SKI: variants seen among roughly 807,000 people sequenced by gnomAD.
SKI encodes ski oncogene.
Under a neutral mutation model 59.3 loss-of-function variants are expected in SKI, and 23 were observed. That is an observed-to-expected ratio of 0.39 (90% CI 0.28 to 0.55). The LOEUF (loss-of-function observed/expected upper bound fraction) is 0.55. Ranked by LOEUF, SKI falls within the 20% of genes least tolerant of loss-of-function variation. The probability of loss-of-function intolerance (pLI) is 0.67; values close to 1 mark genes in which losing one functional copy is unlikely to be tolerated. For synonymous variants in SKI, 673 were observed against 488.6 expected (o/e 1.38, Z -4.98); for missense variants, 1,017 against 1,038.9 (o/e 0.98, Z 0.29).
chr1:2,235,384 G>T (rs983334224), intron 1 of SKI, among the ~76,000 whole-genome samples: 1 of 152,210 alleles, frequency 6.6e-6, no homozygotes, highest in African/African-American at 2.4e-5. Context: ...CCCGGGGTCT[G>T]CGGGCTGGAG....
chr1:2,250,912 C>T (rs925826775), intron 1 of SKI, among the ~76,000 whole-genome samples: 6 of 152,236 alleles, frequency 3.9e-5, no homozygotes, highest in Non-Finnish European at 8.8e-5. Context: ...CTATCAGAGG[C>T]GTGGGAGGCA....
intron 1 of SKI, chr1:2,240,695 T>G: frequency 1.0e-6 from 1 of 985,438 alleles, no homozygotes; most frequent in Non-Finnish European, 1.2e-6. Context: ...GTTCGGAGGA[T>G]GGAGGACAGT....
intron 1 of SKI, among the ~76,000 whole-genome samples, chr1:2,282,978 C>T (rs1033065655): frequency 6.6e-6 from 1 of 152,188 alleles, no homozygotes; most frequent in Non-Finnish European, 1.5e-5. Flanking sequence ...GCTTCCCTTG[C>T]CGGTGCTGGG....
At chr1:2,251,957 C>T (rs1035208402) in intron 1 of SKI, among the ~76,000 whole-genome samples, 1 of 152,138 alleles carries the variant, frequency 6.6e-6, no homozygotes, top group Non-Finnish European at 1.5e-5. Context: ...CTGTCATGTC[C>T]GTTGACATTT....
intron 1 of SKI, among the ~76,000 whole-genome samples, chr1:2,231,603 T>C (rs950673234): frequency 6.6e-6 from 1 of 152,210 alleles, no homozygotes; most frequent in Non-Finnish European, 1.5e-5. Flanking sequence ...CTTTCCCTTT[T>C]GAAGTCCCCA....
chr1:2,249,397 G>T (rs1433187130), intron 1 of SKI, among the ~76,000 whole-genome samples: 3 of 152,238 alleles, frequency 2.0e-5, no homozygotes, highest in African/African-American at 4.8e-5. Flanking sequence ...GGAGACAATT[G>T]TCTGCTCAGT....
chr1:2,258,124 A>G (rs772426063), intron 1 of SKI, among the ~76,000 whole-genome samples: 4 of 152,242 alleles, frequency 2.6e-5, no homozygotes, highest in Non-Finnish European at 5.9e-5. Context: ...AAATATGGCA[A>G]TACTGATTAT....
intron 1 of SKI, among the ~76,000 whole-genome samples, chr1:2,300,857 C>T (rs1463035621): frequency 2.0e-5 from 3 of 152,152 alleles, no homozygotes; most frequent in East Asian, 1.9e-4. Flanking sequence ...GGGTCCTCGG[C>T]CACCCCCCAC....
rs532436217 is a variant in SKI, at chr1:2,268,416, G to A, written c.970-34562G>A. On this transcript the variant is annotated intron_variant, in intron 1 of 6. Transcript: ENST00000378536. The surrounding 1 kb of genome is among the most constrained non-coding windows in gnomAD (Gnocchi z 5.0). ...GTGCTTCCTGCAGGCTCTGCGTGGC[G>A]CTGATGGAGGGCCTCTTGTTAAGGG... Among the ~76,000 whole-genome samples the A allele has an allele frequency of 1.1e-3, 165 of 152,266 alleles. 2 individuals carry two copies. Among genetic ancestry groups the A allele is most frequent in the Middle Eastern group, 3.4e-3 (1 of 294 alleles).
chr1:2,300,854 C>T (rs1192360823), intron 1 of SKI, among the ~76,000 whole-genome samples: 1 of 152,158 alleles, frequency 6.6e-6, no homozygotes, highest in Non-Finnish European at 1.5e-5. Flanking sequence ...GCAGGGTCCT[C>T]GGCCACCCCC....
chr1:2,304,516 G>A lies in SKI; in HGVS notation c.1698G>A (p.Val566=). The change falls in exon 5 of 7, where the codon GTG becomes GTA. Residue 566 remains valine, a synonymous_variant. Coordinates refer to ENST00000378536, the MANE Select transcript of SKI (RefSeq NM_003036.4). ...CCAAAGAGAAGTTCCTGCATGAGGT[G>A]GTCAAGATGCGCGTGAAGCAGGAGG... ...KEAKEKFLHE[V]VKMRVKQEEK... 1.9e-6 allele frequency: 3 copies of A among 1,582,622 alleles called. No individual in the cohort carries two copies. Among genetic ancestry groups the A allele is most frequent in the South Asian group, 2.3e-5 (2 of 86,534 alleles).
At chr1:2,288,040 C>G (rs149672889) in intron 1 of SKI, among the ~76,000 whole-genome samples, 226 of 151,822 alleles carry the variant, frequency 1.5e-3, no homozygotes, top group East Asian at 8.2e-3. Flanking sequence ...CCAGGCTGGA[C>G]TGCAATGGCA....
chr1:2,238,963 G>T (rs1420501882), intron 1 of SKI, among the ~76,000 whole-genome samples: 4 of 152,206 alleles, frequency 2.6e-5, no homozygotes, highest in Admixed American at 1.3e-4. Context: ...CCTGGAGGGG[G>T]GTGGGGACCC....
intron 1 of SKI, among the ~76,000 whole-genome samples, chr1:2,255,483 G>A (rs1436785082): frequency 1.3e-5 from 2 of 150,300 alleles, no homozygotes; most frequent in Non-Finnish European, 3.0e-5. Flanking sequence ...GGAACACACT[G>A]TGTCCTGACC....
At chr1:2,292,155 T>G (rs1277708284) in intron 1 of SKI, among the ~76,000 whole-genome samples, 2 of 152,194 alleles carry the variant, frequency 1.3e-5, no homozygotes, top group Non-Finnish European at 2.9e-5. Context: ...AGGGTTTGTC[T>G]CTAGAGTGCC....
chr1:2,276,172 C>G (rs750385061), intron 1 of SKI, among the ~76,000 whole-genome samples: 4 of 152,192 alleles, frequency 2.6e-5, no homozygotes, highest in Admixed American at 1.3e-4. Context: ...CACGCAGCCA[C>G]ATTTCCCAAA....
intron 1 of SKI, among the ~76,000 whole-genome samples, chr1:2,242,248 G>T (rs1278545937): frequency 2.0e-5 from 3 of 152,232 alleles, no homozygotes; most frequent in Admixed American, 6.5e-5. Flanking sequence ...AGAGTAATCA[G>T]AGAAGCAATT....
chr1:2,294,213 A>G (rs1409748104), intron 1 of SKI, among the ~76,000 whole-genome samples: 1 of 152,236 alleles, frequency 6.6e-6, no homozygotes, highest in Non-Finnish European at 1.5e-5. Flanking sequence ...ATAGCTCCGC[A>G]GGATTCAGCT....
rs1465269270 is a variant in SKI, at chr1:2,269,185, G to A, written c.970-33793G>A. On this transcript the variant is annotated intron_variant, in intron 1 of 6. Coordinates refer to ENST00000378536, the MANE Select transcript of SKI (RefSeq NM_003036.4). The surrounding 1 kb of genome is among the most constrained non-coding windows in gnomAD (Gnocchi z 4.7). ...TGGTCTAGAACTCCTGGGCTCAAGC[G>A]ATCCTCCTGCTTCAGCCTCCCAAAG... 2.6e-5 allele frequency among the ~76,000 whole-genome samples: 4 copies of A among 152,130 alleles called. No homozygotes were observed. The highest frequency in any genetic ancestry group is 5.9e-5 in the Non-Finnish European group (4 of 68,022).
Sources: allele counts gnomAD v4.1 joint callset (sites outside exome capture counted in the v4.1 genomes callset), GRCh38; gene constraint gnomAD v4.1.1; non-coding constraint Gnocchi (gnomAD v3.1); transcripts MANE v1.5; gene names NCBI Gene and HGNC (gene_info 2026-07-23, HGNC 2026-07-21).